Variants in DRC11 observed in about 807,000 individuals in gnomAD.
The protein encoded by DRC11 is dynein regulatory complex subunit 11, also known as IQ and AAA domain-containing protein 1.
At chr2:236,408,222 C>T in the DRC11 span, 46 of 798,866 alleles carry the variant, frequency 5.8e-5, no homozygotes, top group African/African-American at 5.7e-4. This position sits in a 1 kb window ranked among gnomAD's most constrained non-coding sequence, Gnocchi z 5.5. Flanking sequence ...TCTTAGAGAT[C>T]AATCTTCTTG....
chr2:236,482,385 T>C, the DRC11 span, among the ~76,000 whole-genome samples: 1 of 152,162 alleles, frequency 6.6e-6, no homozygotes, highest in African/African-American at 2.4e-5. This position sits in a 1 kb window ranked among gnomAD's most constrained non-coding sequence, Gnocchi z 4.5. Flanking sequence ...ATCTCTATTT[T>C]TGGTGAGTAT....
chr2:236,355,329 T>TG, the DRC11 span, among the ~76,000 whole-genome samples: 13 of 152,358 alleles, frequency 8.5e-5, no homozygotes, highest in African/African-American at 2.9e-4. Context: ...GAGCAGGCTA[T>TG]GTGGGCGCTC....
At chr2:236,344,786 G>A in the DRC11 span, 1 of 629,342 alleles carries the variant, frequency 1.6e-6, no homozygotes, top group Non-Finnish European at 2.8e-6. Flanking sequence ...CAGAGCCCTG[G>A]CTGTGAACGT....
the DRC11 span, among the ~76,000 whole-genome samples, chr2:236,423,785 A>T: frequency 3.3e-5 from 5 of 152,176 alleles, no homozygotes; most frequent in African/African-American, 9.7e-5. Flanking sequence ...ACTATAGCAA[A>T]GACTTGGAAC....
the DRC11 span, among the ~76,000 whole-genome samples, chr2:236,491,142 G>GTATATATATATA: frequency 7.6e-5 from 3 of 39,350 alleles, no homozygotes; most frequent in African/African-American, 2.8e-4. Flanking sequence ...TATATATACA[G>GTATATATATATA]TATATATATA....
the DRC11 span, chr2:236,338,078 C>T: frequency 3.6e-6 from 3 of 835,334 alleles, no homozygotes; most frequent in Admixed American, 8.6e-5. Context: ...TGCACACACC[C>T]CACCGGGTGC....
At chr2:236,504,235 G>A in the DRC11 span, among the ~76,000 whole-genome samples, 3 of 152,064 alleles carry the variant, frequency 2.0e-5, no homozygotes, top group South Asian at 2.1e-4. This position sits in a 1 kb window ranked among gnomAD's most constrained non-coding sequence, Gnocchi z 5.0. Flanking sequence ...CCTTTCCCTC[G>A]GTGCGGTGTC....
At chr2:236,319,490 C>CA in the DRC11 span, among the ~76,000 whole-genome samples, 3 of 151,976 alleles carry the variant, frequency 2.0e-5, no homozygotes, top group Non-Finnish European at 2.9e-5. The surrounding 1 kb of genome is among the most constrained non-coding windows in gnomAD (Gnocchi z 6.7). Flanking sequence ...ATCTCTTGAT[C>CA]AAAAAAACGT....
chr2:236,433,226 G>C, the DRC11 span, among the ~76,000 whole-genome samples: 3 of 152,036 alleles, frequency 2.0e-5, no homozygotes, highest in Non-Finnish European at 2.9e-5. Flanking sequence ...GGTTATTCTT[G>C]GTTATTTGCT....
the DRC11 span, among the ~76,000 whole-genome samples, chr2:236,491,681 T>C: frequency 2.6e-5 from 4 of 152,086 alleles, no homozygotes; most frequent in Non-Finnish European, 5.9e-5. Context: ...CTCTGACTGA[T>C]GCATGGACAG....
chr2:236,424,951 C>T, the DRC11 span, among the ~76,000 whole-genome samples: 38,961 of 151,830 alleles, frequency 0.26, 5,432 homozygotes, highest in African/African-American at 0.32. Flanking sequence ...CTTAGCATAA[C>T]GTCCTCTGGG....
At chr2:236,501,185 C>T in the DRC11 span, among the ~76,000 whole-genome samples, 1 of 152,218 alleles carries the variant, frequency 6.6e-6, no homozygotes, top group East Asian at 1.9e-4. Context: ...GTGCCACACT[C>T]TTTTAAACAA....
At chr2:236,421,200 A>AG in the DRC11 span, among the ~76,000 whole-genome samples, 1 of 152,216 alleles carries the variant, frequency 6.6e-6, no homozygotes, top group Non-Finnish European at 1.5e-5. Context: ...GGCAAAAAAT[A>AG]ACTGAGATCA....
chr2:236,311,483 A>C, the DRC11 span, among the ~76,000 whole-genome samples: 3 of 152,198 alleles, frequency 2.0e-5, no homozygotes, highest in African/African-American at 7.2e-5. The surrounding 1 kb of genome is among the most constrained non-coding windows in gnomAD (Gnocchi z 6.9). Flanking sequence ...CATTCTGGTC[A>C]CATTTCTCCA....
chr2:236,380,286 G>T, the DRC11 span, among the ~76,000 whole-genome samples: 1 of 152,168 alleles, frequency 6.6e-6, no homozygotes, highest in Non-Finnish European at 1.5e-5. The surrounding 1 kb of genome is among the most constrained non-coding windows in gnomAD (Gnocchi z 4.9). Context: ...CTTCACCAGG[G>T]TGTTATTTCT....
At chr2:236,446,303 G>C in the DRC11 span, among the ~76,000 whole-genome samples, 1 of 152,134 alleles carries the variant, frequency 6.6e-6, no homozygotes. This position sits in a 1 kb window ranked among gnomAD's most constrained non-coding sequence, Gnocchi z 6.2. Flanking sequence ...AGAGGGGAGA[G>C]GGCAGATGAT....
chr2:236,373,677 C>T, the DRC11 span, among the ~76,000 whole-genome samples: 1 of 152,174 alleles, frequency 6.6e-6, no homozygotes. Flanking sequence ...GGGCATTGAC[C>T]TTGAACTTTT....
chr2:236,507,250 C>A, the DRC11 span: 3 of 1,613,992 alleles, frequency 1.9e-6, no homozygotes, highest in Non-Finnish European at 2.5e-6. Context: ...GGGAGCCCAT[C>A]ACTTACGCGT....
chr2:236,379,047 G>A, the DRC11 span, among the ~76,000 whole-genome samples: 6 of 152,152 alleles, frequency 3.9e-5, no homozygotes, highest in African/African-American at 1.4e-4. Flanking sequence ...TGCCAGGGCC[G>A]CGGCAGTGTT....
Sources: gnomAD v4.1 joint callset for allele counts (sites outside exome capture counted in the v4.1 genomes callset) on GRCh38, gnomAD v4.1.1 for gene constraint, Gnocchi (gnomAD v3.1) non-coding constraint, MANE v1.5 for transcripts, NCBI Gene and HGNC (gene_info 2026-07-23, HGNC 2026-07-21) for gene names.